Variants in TESC observed in about 807,000 individuals in gnomAD.
The protein encoded by TESC is calcineurin B homologous protein 3.
In TESC, 19 loss-of-function variants were observed where a neutral mutation model predicts 31.0. The observed-to-expected ratio is 0.61, with a 90% CI of 0.43 to 0.90. The LOEUF is 0.90. TESC is among the 40% of genes least tolerant of loss of function. The pLI is 0.00. For synonymous variants in TESC, 109 were observed against 114.8 expected (o/e 0.95, Z 0.32); for missense variants, 248 against 303.8 (o/e 0.82, Z 1.36).
chr12:117,073,216 C>T (rs1367363501), intron 2 of TESC, among the ~76,000 whole-genome samples: 1 of 152,158 alleles, frequency 6.6e-6, no homozygotes, highest in Non-Finnish European at 1.5e-5. Context: ...GCCCCATGCC[C>T]TTATAGCTCT....
At chr12:117,039,521 A>G (rs1306831961) in intron 7 of TESC, among the ~76,000 whole-genome samples, 1 of 152,194 alleles carries the variant, frequency 6.6e-6, no homozygotes, top group Admixed American at 6.5e-5. Flanking sequence ...CCACCACTTC[A>G]GGTTCTGTGA....
intron 1 of TESC, among the ~76,000 whole-genome samples, chr12:117,092,079 C>A (rs1955318887): frequency 1.3e-5 from 2 of 152,170 alleles, no homozygotes; most frequent in Admixed American, 6.5e-5. Flanking sequence ...TCAGTTTGCC[C>A]ATCTATAAAC....
intron 1 of TESC, among the ~76,000 whole-genome samples, chr12:117,075,955 A>ATGTATGTATATATATATGTATGTATG (rs1356210675): frequency 1.7e-5 from 2 of 119,330 alleles, no homozygotes; most frequent in African/African-American, 7.8e-5. Context: ...ATATACATAT[A>ATGTATGTATATATATATGTATGTATG]TATATATATA....
chr12:117,055,620 T>TCC (rs1954710998), intron 3 of TESC, among the ~76,000 whole-genome samples: 1 of 152,190 alleles, frequency 6.6e-6, no homozygotes, highest in Non-Finnish European at 1.5e-5. Context: ...GAGATTCAGT[T>TCC]ACAAAAAGAT....
At chr12:117,099,165 C>T (rs1955437864) in intron 1 of TESC, 60 bp downstream of exon 1, 2 of 1,456,166 alleles carry the variant, frequency 1.4e-6, no homozygotes, top group Non-Finnish European at 1.8e-6. Context: ...CCGGGGTCCC[C>T]AACAGTGGCC....
At chr12:117,089,649 G>A (rs1016784820) in intron 1 of TESC, among the ~76,000 whole-genome samples, 1 of 152,158 alleles carries the variant, frequency 6.6e-6, no homozygotes, top group Non-Finnish European at 1.5e-5. Flanking sequence ...AGGCAGCAAG[G>A]TTGTAATAGC....
At chr12:117,075,853 A>ATATATATATATGTGTG (rs1565971322) in intron 1 of TESC, among the ~76,000 whole-genome samples, 1,795 of 46,358 alleles carry the variant, frequency 0.039, 81 homozygotes, top group African/African-American at 0.081. Context: ...GTGTGTATAT[A>ATATATATATATGTGTG]TATATATATA....
chr12:117,065,611 G>A (rs778454939), intron 2 of TESC, among the ~76,000 whole-genome samples: 7 of 152,146 alleles, frequency 4.6e-5, no homozygotes, highest in African/African-American at 1.2e-4. Context: ...GGAGCTGGCC[G>A]GGCACAGTGG....
At chr12:117,042,313 G>A (rs1017199296) in intron 6 of TESC, among the ~76,000 whole-genome samples, 1 of 152,062 alleles carries the variant, frequency 6.6e-6, no homozygotes, top group Non-Finnish European at 1.5e-5. Flanking sequence ...AGAATCCGAG[G>A]TGTGGGTGAC....
chr12:117,073,064 G>A lies in TESC; in HGVS notation c.128+2207C>T, dbSNP rs1954995580. 2.0e-5 allele frequency among the ~76,000 whole-genome samples: 3 copies of A among 152,136 alleles called. 1 individual carries two copies. Among genetic ancestry groups the A allele is most frequent in the Admixed American group, 2.0e-4 (3 of 15,266 alleles). On this transcript the variant is annotated intron_variant, in intron 2 of 7. Transcript: ENST00000335209. ...TTTCCAGCATCCAGTGTCCATATAT[G>A]CCACCTCCCCGCTAGATCTCAGTGC...
At chr12:117,061,650 GCT>G (rs149959116) in intron 2 of TESC, among the ~76,000 whole-genome samples, 3 of 150,572 alleles carry the variant, frequency 2.0e-5, no homozygotes, top group Admixed American at 6.6e-5. Context: ...CGCTGCCTCT[GCT>G]CTCTCTCTCT....
intron 1 of TESC, among the ~76,000 whole-genome samples, chr12:117,089,214 G>A (rs551438753): frequency 6.6e-6 from 1 of 152,336 alleles, no homozygotes; most frequent in Admixed American, 6.5e-5. Context: ...CTGTGGGGCA[G>A]GAGACCCAAA....
rs766804200 is a variant in TESC at position 117,039,096 on chromosome 12, T to TTG, written c.*35_*36dup. On this transcript the variant is annotated 3_prime_UTR_variant, in exon 8 of 8. Coordinates refer to ENST00000335209, the MANE Select transcript of TESC (RefSeq NM_017899.4). ...CCAGCTACGCGGGGAGGCGGCCCCA[T>TTG]TGCAAAGTGCAGTTTCTCCGCGGAG... 1 of 1,609,622 alleles carries TTG rather than the reference T, an allele frequency of 6.2e-7. No homozygotes were observed. Among genetic ancestry groups the TTG allele is most frequent in the Non-Finnish European group, 8.5e-7 (1 of 1,177,958 alleles).
Position 117,039,100 on chromosome 12 carries a change from A to G in TESC, c.*33T>C. The G allele has an allele frequency of 3.1e-6, 5 of 1,611,066 alleles. No homozygotes were observed. Among genetic ancestry groups the G allele is most frequent in the Non-Finnish European group, 3.4e-6 (4 of 1,178,692 alleles). On this transcript the variant is annotated 3_prime_UTR_variant, in exon 8 of 8. Transcript: ENST00000335209. The stretch of plus-strand genomic sequence containing the variant: ...CTACGCGGGGAGGCGGCCCCATTGC[A>G]AAGTGCAGTTTCTCCGCGGAGGTGG...
intron 1 of TESC, among the ~76,000 whole-genome samples, chr12:117,075,891 A>ATATATATATATATGTGTGTGTGTG (rs1955056577): frequency 2.9e-5 from 2 of 69,124 alleles, no homozygotes; most frequent in African/African-American, 1.7e-4. Context: ...ATATATATAT[A>ATATATATATATATGTGTGTGTGTG]TATATATATA....
chr12:117,093,376 T>G (rs1341721029), intron 1 of TESC, among the ~76,000 whole-genome samples: 3 of 152,268 alleles, frequency 2.0e-5, no homozygotes, highest in African/African-American at 7.2e-5. Context: ...CTGCCATCTC[T>G]AGCTCCTTCT....
intron 1 of TESC, among the ~76,000 whole-genome samples, chr12:117,079,499 T>G (rs1409423403): frequency 1.3e-5 from 2 of 151,376 alleles, no homozygotes; most frequent in Non-Finnish European, 2.9e-5. Flanking sequence ...GAGGCGGAGG[T>G]TGCAGTGAGC....
intron 7 of TESC, among the ~76,000 whole-genome samples, chr12:117,039,806 A>G (rs1592986797): frequency 6.6e-6 from 1 of 152,264 alleles, no homozygotes; most frequent in East Asian, 1.9e-4. Flanking sequence ...CAAAGATCAC[A>G]TGGTGGCCCC....
rs60089641 is a variant in TESC at position 117,088,680 on chromosome 12, C to CAAAAAA, written c.58+10539_58+10544dup. 4.1e-4 allele frequency among the ~76,000 whole-genome samples: 49 copies of CAAAAAA among 120,884 alleles called. 2 individuals are homozygous for CAAAAAA. The highest frequency in any genetic ancestry group is 1.4e-3 in the African/African-American group (47 of 34,228). 79.3% of individuals were successfully genotyped at this position (120,884 alleles called of 152,430 possible). A position where few individuals can be genotyped will look rare whatever the true frequency, so the allele number is the denominator to read the frequency against. ...TGGGCGACAGAGTGAGACTCTGTCTCAAAAAAAAAAAAAAAATGTACAAGG... is the reference window on the plus strand; with the variant it reads ...TGGGCGACAGAGTGAGACTCTGTCTCAAAAAAAAAAAAAAAAAAAAAATGTACAAGG... On this transcript the variant is annotated intron_variant, in intron 1 of 7. Transcript: ENST00000335209.
Sources: allele counts gnomAD v4.1 joint callset (sites outside exome capture counted in the v4.1 genomes callset), GRCh38; gene constraint gnomAD v4.1.1; transcripts MANE v1.5; gene names NCBI Gene and HGNC (gene_info 2026-07-23, HGNC 2026-07-21).